The following FRMD6 variants were observed in gnomAD, a reference collection of about 807,000 sequenced individuals.
The protein encoded by FRMD6 is FERM domain containing 6.
FRMD6 carries 37 observed loss-of-function variants against 73.2 expected under a neutral mutation model. That is an observed-to-expected ratio of 0.51 (90% CI 0.39 to 0.66). The LOEUF is 0.66. Among genes scored for constraint, FRMD6 ranks in the 30% least tolerant of loss-of-function variants. The pLI, the probability that FRMD6 is intolerant of heterozygous loss-of-function variation, is 0.00. For synonymous variants in FRMD6, 273 were observed against 282.2 expected (o/e 0.97, Z 0.33); for missense variants, 714 against 780.5 (o/e 0.91, Z 1.02).
chr14:51,620,572 C>T (rs1016966129), intron 2 of FRMD6, among the ~76,000 whole-genome samples: 2 of 152,222 alleles, frequency 1.3e-5, no homozygotes, highest in African/African-American at 2.4e-5. Context: ...GGGCCCATTA[C>T]GACAGTGCTT....
the FRMD6 span, among the ~76,000 whole-genome samples, chr14:51,456,261 C>A: frequency 6.6e-6 from 1 of 152,158 alleles, no homozygotes; most frequent in Non-Finnish European, 1.5e-5. Context: ...ATCAACCCAT[C>A]ACCTACATTA....
At chr14:51,481,428 C>T in the FRMD6 span, among the ~76,000 whole-genome samples, 2 of 152,144 alleles carry the variant, frequency 1.3e-5, no homozygotes, top group South Asian at 2.1e-4. Flanking sequence ...TTCACTACCA[C>T]GAGAACAGTA....
intron 1 of FRMD6, among the ~76,000 whole-genome samples, chr14:51,679,700 A>G (rs535881922): frequency 1.3e-5 from 2 of 152,150 alleles, no homozygotes; most frequent in Non-Finnish European, 2.9e-5. Flanking sequence ...CATTTCTATC[A>G]GGCTTTTTGA....
intron 1 of FRMD6, among the ~76,000 whole-genome samples, chr14:51,560,328 G>C (rs188089142): frequency 2.0e-5 from 3 of 152,216 alleles, no homozygotes; most frequent in Non-Finnish European, 2.9e-5. Context: ...ATATATTTAT[G>C]TACCAAATTA....
the FRMD6 span, among the ~76,000 whole-genome samples, chr14:51,399,676 A>G: frequency 6.6e-6 from 1 of 152,182 alleles, no homozygotes; most frequent in Admixed American, 6.5e-5. Context: ...TTATTGATAC[A>G]TAAGTGGGTG....
At chr14:51,642,747 A>G (rs542966660) in intron 2 of FRMD6, among the ~76,000 whole-genome samples, 27 of 152,292 alleles carry the variant, frequency 1.8e-4, no homozygotes, top group African/African-American at 5.1e-4. Context: ...GAGATGTTAA[A>G]TATTTTAGAG....
chr14:51,538,107 G>C (rs1885998517), intron 1 of FRMD6, among the ~76,000 whole-genome samples: 1 of 152,036 alleles, frequency 6.6e-6, no homozygotes, highest in Non-Finnish European at 1.5e-5. Flanking sequence ...ATTTTCTCTT[G>C]TGTTTTCTTC....
chr14:51,496,172 G>A (rs1270814837), intron 1 of FRMD6, among the ~76,000 whole-genome samples: 1 of 152,178 alleles, frequency 6.6e-6, no homozygotes, highest in Non-Finnish European at 1.5e-5. Context: ...ACGTCATGAA[G>A]AGCATGGTGG....
the FRMD6 span, among the ~76,000 whole-genome samples, chr14:51,479,548 T>C: frequency 6.6e-6 from 1 of 152,234 alleles, no homozygotes; most frequent in African/African-American, 2.4e-5. Context: ...TTGTCTTCTT[T>C]TCTGTGCCTG....
the FRMD6 span, among the ~76,000 whole-genome samples, chr14:51,434,857 G>A: frequency 6.6e-6 from 1 of 152,126 alleles, no homozygotes; most frequent in South Asian, 2.1e-4. Context: ...ATGGGACACT[G>A]AGAAGGGCAC....
At chr14:51,496,735 A>G (rs1883316226) in intron 1 of FRMD6, among the ~76,000 whole-genome samples, 1 of 152,190 alleles carries the variant, frequency 6.6e-6, no homozygotes, top group African/African-American at 2.4e-5. Flanking sequence ...GTCACTTATA[A>G]TCCACAGGTC....
chr14:51,624,740 A>G (rs1161986109), intron 2 of FRMD6, among the ~76,000 whole-genome samples: 2 of 152,168 alleles, frequency 1.3e-5, no homozygotes, highest in Non-Finnish European at 2.9e-5. Flanking sequence ...TTACCCTTCT[A>G]AACTGCAGCG....
upstream of FRMD6, among the ~76,000 whole-genome samples, chr14:51,488,800 G>A (rs1051425458): frequency 2.0e-5 from 3 of 152,206 alleles, no homozygotes; most frequent in African/African-American, 4.8e-5. Flanking sequence ...CTATTTGAAC[G>A]AAGTTCGATC....
chr14:51,616,389 C>T (rs1353695657), intron 2 of FRMD6, among the ~76,000 whole-genome samples: 3 of 152,094 alleles, frequency 2.0e-5, no homozygotes, highest in Non-Finnish European at 2.9e-5. Context: ...ATGGGTTGCC[C>T]ATGTTGAGAA....
At chr14:51,713,607 G>A (rs1897074623) in intron 9 of FRMD6, 1 of 152,174 alleles carries the variant, frequency 6.6e-6, no homozygotes, top group Non-Finnish European at 1.5e-5. Context: ...TTCTCCTGCT[G>A]GGATATATAG....
chr14:51,670,013 G>A (rs995329587), intron 1 of FRMD6, among the ~76,000 whole-genome samples: 1 of 151,784 alleles, frequency 6.6e-6, no homozygotes, highest in Admixed American at 6.6e-5. Flanking sequence ...ATTAGAATCC[G>A]ATTCTGGATT....
At chr14:51,415,732 C>T in the FRMD6 span, among the ~76,000 whole-genome samples, 1 of 152,150 alleles carries the variant, frequency 6.6e-6, no homozygotes, top group South Asian at 2.1e-4. Flanking sequence ...GGAATGGTAC[C>T]AGCTCCTCTT....
chr14:51,632,387 G>A (rs982015711), intron 2 of FRMD6, among the ~76,000 whole-genome samples: 6 of 152,170 alleles, frequency 3.9e-5, no homozygotes, highest in Non-Finnish European at 5.9e-5. Context: ...TAGGAAACAC[G>A]AGTAAAATTT....
the FRMD6 span, among the ~76,000 whole-genome samples, chr14:51,431,412 A>G: frequency 6.6e-6 from 1 of 152,252 alleles, no homozygotes; most frequent in African/African-American, 2.4e-5. Context: ...AAAAGACTCC[A>G]GAAAAGTCAC....
Sources: gnomAD v4.1 joint callset for allele counts (sites outside exome capture counted in the v4.1 genomes callset) on GRCh38, gnomAD v4.1.1 for gene constraint, MANE v1.5 for transcripts, NCBI Gene and HGNC (gene_info 2026-07-23, HGNC 2026-07-21) for gene names.